GPHN: variants seen among roughly 807,000 people sequenced by gnomAD.
GPHN encodes gephyrin.
In GPHN, 17 loss-of-function variants were observed where a neutral mutation model predicts 95.5. The ratio of observed to expected loss-of-function variants is 0.18; its 90% confidence interval spans 0.12 to 0.27. The LOEUF is 0.27. Among genes scored for constraint, GPHN ranks in the 10% least tolerant of loss-of-function variants. The pLI is 1.00. For synonymous variants in GPHN, 320 were observed against 322.5 expected (o/e 0.99, Z 0.08); for missense variants, 660 against 978.1 (o/e 0.67, Z 4.34).
chr14:67,361,431 T>C, the GPHN span, among the ~76,000 whole-genome samples: 1 of 152,226 alleles, frequency 6.6e-6, no homozygotes, highest in African/African-American at 2.4e-5. Context: ...ACTTTCTTTT[T>C]CAACTATAAT....
At chr14:67,589,439 A>T in the GPHN span, 3 of 985,440 alleles carry the variant, frequency 3.0e-6, no homozygotes, top group Non-Finnish European at 3.6e-6. Context: ...TATAAAAAAA[A>T]ATGCTGAGTA....
chr14:66,932,463 T>TTTTTG (rs1567118567), intron 8 of GPHN, among the ~76,000 whole-genome samples: 8 of 133,598 alleles, frequency 6.0e-5, no homozygotes, highest in Non-Finnish European at 8.0e-5. Context: ...TTTTTTTTTT[T>TTTTTG]TTTTTTTTTT....
chr14:67,331,592 C>A, the GPHN span, among the ~76,000 whole-genome samples: 1 of 152,046 alleles, frequency 6.6e-6, no homozygotes, highest in Non-Finnish European at 1.5e-5. Context: ...TGAGCTAAAA[C>A]ATTTTGTTTC....
At chr14:67,315,844 G>A in the GPHN span, among the ~76,000 whole-genome samples, 4 of 152,198 alleles carry the variant, frequency 2.6e-5, no homozygotes, top group Non-Finnish European at 5.9e-5. Context: ...CGAATCCCTT[G>A]AACCTGGAAG....
At chr14:66,908,772 C>T (rs928732811) in intron 5 of GPHN, among the ~76,000 whole-genome samples, 2 of 151,770 alleles carry the variant, frequency 1.3e-5, no homozygotes, top group African/African-American at 4.8e-5. Context: ...TCTCTATAGT[C>T]TTCTTCCAAA....
the GPHN span, among the ~76,000 whole-genome samples, chr14:67,424,594 G>GT: frequency 1.2e-5 from 1 of 86,172 alleles, no homozygotes; most frequent in Non-Finnish European, 2.0e-5. Context: ...AAAAGACGCT[G>GT]TTTAAAAAAA....
chr14:67,110,418 T>A (rs2078300267), intron 14 of GPHN, 159 bp downstream of exon 14: 3 of 681,384 alleles, frequency 4.4e-6, no homozygotes, highest in Non-Finnish European at 7.8e-6. Flanking sequence ...TATATGAGTC[T>A]CCAGTAAATA....
At chr14:67,644,177 G>A in the GPHN span, among the ~76,000 whole-genome samples, 2 of 152,214 alleles carry the variant, frequency 1.3e-5, no homozygotes, top group Non-Finnish European at 2.9e-5. Flanking sequence ...TAGAGAGGAA[G>A]AGATAAGTGC....
At chr14:67,379,631 C>G in the GPHN span, among the ~76,000 whole-genome samples, 1 of 149,912 alleles carries the variant, frequency 6.7e-6, no homozygotes, top group Admixed American at 6.7e-5. Context: ...TTTTACATGA[C>G]ATAACTTTCT....
chr14:66,868,277 G>T (rs2063301892), intron 4 of GPHN, among the ~76,000 whole-genome samples: 1 of 152,060 alleles, frequency 6.6e-6, no homozygotes, highest in Non-Finnish European at 1.5e-5. Flanking sequence ...AAATTTGTCT[G>T]CTCTGTTAAT....
the GPHN span, among the ~76,000 whole-genome samples, chr14:67,517,817 T>A: frequency 6.6e-6 from 1 of 152,208 alleles, no homozygotes; most frequent in East Asian, 1.9e-4. Flanking sequence ...TTGTATGGTT[T>A]GGTCAGGGTT....
chr14:67,396,124 C>A, the GPHN span, among the ~76,000 whole-genome samples: 2 of 151,940 alleles, frequency 1.3e-5, no homozygotes, highest in East Asian at 3.9e-4. Context: ...CCATCCAGGT[C>A]GCTTTGTTTT....
intron 13 of GPHN, among the ~76,000 whole-genome samples, chr14:67,107,758 C>G (rs1471392993): frequency 6.6e-6 from 1 of 152,018 alleles, no homozygotes; most frequent in Non-Finnish European, 1.5e-5. Context: ...CCCGGGGGGG[C>G]CAAGGATCAA....
the GPHN span, chr14:67,576,320 A>G: frequency 1.2e-6 from 1 of 822,094 alleles, no homozygotes; most frequent in Non-Finnish European, 2.0e-6. This position sits in a 1 kb window ranked among gnomAD's most constrained non-coding sequence, Gnocchi z 4.0. Context: ...GGTCCCTTCA[A>G]GGAGTCCTCC....
At chr14:67,406,331 T>C in the GPHN span, among the ~76,000 whole-genome samples, 1 of 151,864 alleles carries the variant, frequency 6.6e-6, no homozygotes, top group East Asian at 1.9e-4. Context: ...TAGGGCATGA[T>C]ACAAACCCCA....
chr14:67,557,911 C>G, the GPHN span, among the ~76,000 whole-genome samples: 2 of 152,184 alleles, frequency 1.3e-5, no homozygotes, highest in Non-Finnish European at 2.9e-5. Flanking sequence ...ATGATCAGAG[C>G]TGCACAGAGC....
the GPHN span, among the ~76,000 whole-genome samples, chr14:67,192,004 G>A: frequency 9.1e-3 from 1,392 of 152,272 alleles, 38 homozygotes; most frequent in East Asian, 0.049. Context: ...AAAAAGTACT[G>A]GTTAAAAGAA....
chr14:67,125,079 C>G (rs905263047), intron 17 of GPHN, among the ~76,000 whole-genome samples: 1 of 151,838 alleles, frequency 6.6e-6, no homozygotes, highest in Non-Finnish European at 1.5e-5. Flanking sequence ...CTAGTGTATA[C>G]CCTTTTCTTG....
intron 11 of GPHN, among the ~76,000 whole-genome samples, chr14:67,075,566 G>T (rs2076463517): frequency 6.6e-6 from 1 of 152,142 alleles, no homozygotes; most frequent in East Asian, 1.9e-4. Context: ...AAAGTAAATT[G>T]AAAACTTTCT....
Sources: allele counts gnomAD v4.1 joint callset (sites outside exome capture counted in the v4.1 genomes callset), GRCh38; gene constraint gnomAD v4.1.1; non-coding constraint Gnocchi (gnomAD v3.1); transcripts MANE v1.5; gene names NCBI Gene and HGNC (gene_info 2026-07-23, HGNC 2026-07-21).